CDH18: variants seen among roughly 807,000 people sequenced by gnomAD.
CDH18 encodes cadherin 18, also known as cadherin-18.
Under a neutral mutation model 67.9 loss-of-function variants are expected in CDH18, and 31 were observed. The observed-to-expected ratio is 0.46, with a 90% CI of 0.34 to 0.62. CDH18 has a LOEUF of 0.62. Ranked by LOEUF, CDH18 falls within the 20% of genes least tolerant of loss-of-function variation. CDH18 has a pLI of 0.01. For missense variants in CDH18, 890 were observed against 975.5 expected (o/e 0.91, Z 1.17); for synonymous variants, 362 against 347.2 (o/e 1.04, Z -0.48).
chr5:20,143,367 T>C (rs1265316562), intron 2 of CDH18, among the ~76,000 whole-genome samples: 1 of 152,048 alleles, frequency 6.6e-6, no homozygotes, highest in Admixed American at 6.6e-5. Flanking sequence ...TATTTATTTA[T>C]TTATTTACTT....
At chr5:20,232,309 A>G (rs1004632533) in intron 2 of CDH18, among the ~76,000 whole-genome samples, 4 of 152,172 alleles carry the variant, frequency 2.6e-5, no homozygotes, top group African/African-American at 9.6e-5. Flanking sequence ...TTATGAACTT[A>G]AATCCTCAGG....
intron 5 of CDH18, among the ~76,000 whole-genome samples, chr5:19,629,296 T>A (rs10941392): frequency 0.61 from 93,107 of 151,928 alleles, 29,607 homozygotes; most frequent in South Asian, 0.75. Flanking sequence ...GAGTGTTAAT[T>A]TGGGATATTT....
intron 2 of CDH18, among the ~76,000 whole-genome samples, chr5:20,140,353 A>G (rs2126520989): frequency 6.6e-6 from 1 of 152,234 alleles, no homozygotes; most frequent in East Asian, 1.9e-4. Flanking sequence ...ACATTAGGAG[A>G]AATACCTAAT....
At chr5:20,147,547 A>G (rs560173004) in intron 2 of CDH18, among the ~76,000 whole-genome samples, 2 of 152,270 alleles carry the variant, frequency 1.3e-5, no homozygotes, top group African/African-American at 4.8e-5. Context: ...CTGAATTTGG[A>G]ACAGTCCGTA....
In CDH18 at chr5:19,979,054, G is replaced by C. The variant is rs116315001; in HGVS notation, c.-257+2006C>G. On this transcript the variant is annotated intron_variant, in intron 2 of 12. Coordinates refer to ENST00000382275, the MANE Select transcript of CDH18 (RefSeq NM_004934.5). Reference sequence around the variant, plus strand: ...AAGTATTGTTGTAACTTCACTCATAGAGTGAGTTTCAGAAGCTACTTCACT... The same window carrying C: ...AAGTATTGTTGTAACTTCACTCATACAGTGAGTTTCAGAAGCTACTTCACT... Among the ~76,000 whole-genome samples the C allele has an allele frequency of 2.2e-3, 331 of 152,262 alleles. 2 individuals carry two copies. Among genetic ancestry groups the C allele is most frequent in the African/African-American group, 7.7e-3 (322 of 41,566 alleles).
intron 1 of CDH18, among the ~76,000 whole-genome samples, chr5:20,480,402 A>C (rs756465647): frequency 3.3e-5 from 5 of 152,078 alleles, no homozygotes; most frequent in Non-Finnish European, 5.9e-5. Context: ...AATTATGCTA[A>C]AGTGTAGAGT....
intron 1 of CDH18, among the ~76,000 whole-genome samples, chr5:20,343,140 G>T (rs1740409667): frequency 6.6e-6 from 1 of 152,156 alleles, no homozygotes; most frequent in African/African-American, 2.4e-5. Flanking sequence ...AACCATCAAA[G>T]GCAAGGCAAG....
chr5:20,466,167 A>C (rs1464631927), intron 1 of CDH18, among the ~76,000 whole-genome samples: 1 of 152,088 alleles, frequency 6.6e-6, no homozygotes, highest in Non-Finnish European at 1.5e-5. Context: ...AATCATGCTT[A>C]GAAATCTATA....
rs185685646 is a variant in CDH18 at position 20,514,700 on chromosome 5, G to A, written c.-580+60762C>T. On this transcript the variant is annotated intron_variant, in intron 1 of 14. Coordinates refer to the CDH18 transcript ENST00000507958. ...CTAAGGCCTTACACCATAACATCCT[G>A]CGACTTATGCTGAGCCACAAGGTGA... 2.9e-3 allele frequency among the ~76,000 whole-genome samples: 446 copies of A among 152,162 alleles called. 4 individuals carry two copies. The highest frequency in any genetic ancestry group is 0.016 in the South Asian group (79 of 4,816).
At chr5:19,531,797 G>A (rs2126986358) in intron 9 of CDH18, among the ~76,000 whole-genome samples, 1 of 152,254 alleles carries the variant, frequency 6.6e-6, no homozygotes, top group South Asian at 2.1e-4. Context: ...TTAGCCAGGT[G>A]TGGCTTCCTG....
In CDH18 at chr5:19,942,873, T is replaced by A. The variant is rs556278923; in HGVS notation, c.-257+38187A>T. 1.2e-3 allele frequency among the ~76,000 whole-genome samples: 180 copies of A among 152,272 alleles called. 1 individual carries two copies. The highest frequency in any genetic ancestry group is 4.1e-3 in the Admixed American group (63 of 15,272). On this transcript the variant is annotated intron_variant, in intron 2 of 12. Transcript: ENST00000382275. The stretch of plus-strand genomic sequence containing the variant: ...CGAGGAAGCAGCTGGTCTGGATTTC[T>A]TGTCACTGTTAGGGCTTAATTACTG...
chr5:20,483,111 C>T (rs995547297), intron 1 of CDH18, among the ~76,000 whole-genome samples: 1 of 151,928 alleles, frequency 6.6e-6, no homozygotes, highest in Non-Finnish European at 1.5e-5. Context: ...AATAGTGTTT[C>T]TATGTGTCAA....
chr5:19,482,779 G>A (rs1249186074), intron 12 of CDH18, among the ~76,000 whole-genome samples: 1 of 152,066 alleles, frequency 6.6e-6, no homozygotes, highest in Admixed American at 6.5e-5. Context: ...GAAGTTTACT[G>A]TCTTTGCAAA....
At chr5:20,417,466 TG>T (rs1747410568) in intron 1 of CDH18, among the ~76,000 whole-genome samples, 4 of 152,194 alleles carry the variant, frequency 2.6e-5, no homozygotes. Context: ...CACAATTCTA[TG>T]ATTTCCAATG....
At chr5:20,127,110 T>C (rs139029145) in intron 2 of CDH18, among the ~76,000 whole-genome samples, 33 of 152,294 alleles carry the variant, frequency 2.2e-4, no homozygotes, top group Admixed American at 4.6e-4. Context: ...CAGGAGTTGA[T>C]TAAATCATGG....
intron 12 of CDH18, among the ~76,000 whole-genome samples, chr5:19,481,961 G>A (rs999436143): frequency 6.6e-6 from 1 of 152,096 alleles, no homozygotes; most frequent in African/African-American, 2.4e-5. Flanking sequence ...TTGCTATCTT[G>A]TTTCAAAGAG....
At chr5:19,859,810 C>G (rs776844808) in intron 2 of CDH18, among the ~76,000 whole-genome samples, 3 of 152,132 alleles carry the variant, frequency 2.0e-5, no homozygotes, top group Non-Finnish European at 4.4e-5. Flanking sequence ...AGCCCAACCA[C>G]CTTGGGCACA....
chr5:20,314,781 G>T (rs1737315342), intron 1 of CDH18, among the ~76,000 whole-genome samples: 2 of 151,942 alleles, frequency 1.3e-5, no homozygotes, highest in South Asian at 4.1e-4. Flanking sequence ...AATGTATCAA[G>T]TTGAATTCTA....
intron 10 of CDH18, among the ~76,000 whole-genome samples, chr5:19,506,509 T>C (rs1037682119): frequency 6.6e-6 from 1 of 152,140 alleles, no homozygotes; most frequent in Non-Finnish European, 1.5e-5. Flanking sequence ...CTTCAAACTA[T>C]ACTACAAGGC....
Sources: gnomAD v4.1 joint callset for allele counts (sites outside exome capture counted in the v4.1 genomes callset) on GRCh38, gnomAD v4.1.1 for gene constraint, MANE v1.5 for transcripts, NCBI Gene and HGNC (gene_info 2026-07-23, HGNC 2026-07-21) for gene names.